Variants in HSPA4L observed in about 807,000 individuals in gnomAD.
HSPA4L encodes the protein heat shock protein family A (Hsp70) member 4 like.
Under a neutral mutation model 100.3 loss-of-function variants are expected in HSPA4L, and 48 were observed. The observed-to-expected ratio is 0.48, with a 90% CI of 0.38 to 0.61. The LOEUF (loss-of-function observed/expected upper bound fraction) is 0.61, where lower values mean the gene tolerates loss of function less well. HSPA4L is among the 20% of genes least tolerant of loss of function. The probability of loss-of-function intolerance (pLI) is 0.00; values close to 1 mark genes in which losing one functional copy is unlikely to be tolerated. For synonymous variants in HSPA4L, 319 were observed against 328.2 expected (o/e 0.97, Z 0.30); for missense variants, 886 against 988.6 (o/e 0.90, Z 1.39).
intron 2 of HSPA4L, among the ~76,000 whole-genome samples, chr4:127,794,944 A>G (rs1485148032): frequency 1.3e-5 from 2 of 152,172 alleles, no homozygotes; most frequent in Non-Finnish European, 2.9e-5. Flanking sequence ...TGAACTGCAT[A>G]TTCTAGTTAA....
At chr4:127,826,105 A>G (rs1225464618) in intron 16 of HSPA4L, among the ~76,000 whole-genome samples, 1 of 152,148 alleles carries the variant, frequency 6.6e-6, no homozygotes, top group Non-Finnish European at 1.5e-5. Context: ...TTGAGATGGC[A>G]TTTAAAAATT....
rs774360674 is a variant in HSPA4L at position 127,808,057 on chromosome 4, A to G, written c.1306A>G (p.Lys436Glu). The change falls in exon 11 of 19, where the codon AAG becomes GAG. Residue 436 changes from lysine (K) to glutamate (E), a missense_variant. Coordinates refer to ENST00000296464, the MANE Select transcript of HSPA4L (RefSeq NM_014278.4). ...APFSKVITFH[K>E]KEPFELEAFY... ...ATTCTCAAAAGTCATTACTTTCCAC[A>G]AGAAGGAACCATTTGAACTAGAAGC... The G allele has an allele frequency of 1.2e-5, 20 of 1,612,804 alleles. No homozygotes were observed. In the East Asian group the frequency reaches 4.5e-4, roughly 36 times the overall value.
chr4:127,784,404 G>C (rs1578684156), intron 1 of HSPA4L, among the ~76,000 whole-genome samples: 2 of 152,184 alleles, frequency 1.3e-5, no homozygotes, highest in South Asian at 4.1e-4. Context: ...TAAAAAGTGG[G>C]CTTCTAGAGT....
chr4:127,783,002 T>A (rs1453287043), intron 1 of HSPA4L, among the ~76,000 whole-genome samples: 2 of 152,152 alleles, frequency 1.3e-5, no homozygotes, highest in Non-Finnish European at 2.9e-5. Context: ...GCGTCCGGAA[T>A]ATTGAGAAAG....
rs886903633 is a variant in HSPA4L, at chr4:127,833,716, A to T, written c.*842A>T. On this transcript the variant is annotated 3_prime_UTR_variant, in exon 19 of 19. Coordinates refer to ENST00000296464, the MANE Select transcript of HSPA4L (RefSeq NM_014278.4). ...TTCATAGCCTTGTTTCAGTTATAAT[A>T]GTTGTCTTGTTTTTTTCTTAATTGA... is the stretch of plus-strand genomic sequence containing the variant. The T allele has an allele frequency of 1.3e-5, 2 of 152,146 alleles. No individual in the cohort carries two copies. Among genetic ancestry groups the T allele is most frequent in the Non-Finnish European group, 2.9e-5 (2 of 68,012 alleles). 9.4% of individuals were successfully genotyped at this position (152,146 alleles called of 1,614,324 possible).
At chr4:127,797,951 C>A (rs2148781719) in intron 3 of HSPA4L, among the ~76,000 whole-genome samples, 1 of 152,194 alleles carries the variant, frequency 6.6e-6, no homozygotes, top group South Asian at 2.1e-4. Context: ...GATTCATTTT[C>A]TCTTATTTCT....
intron 17 of HSPA4L, 58 bp downstream of exon 17, chr4:127,827,482 G>A: frequency 1.3e-6 from 2 of 1,589,058 alleles, no homozygotes; most frequent in Non-Finnish European, 1.7e-6. Flanking sequence ...CATAGAATGG[G>A]GCAAATCTAA....
chr4:127,808,807 C>T (rs773275042), intron 11 of HSPA4L, among the ~76,000 whole-genome samples: 5 of 152,132 alleles, frequency 3.3e-5, no homozygotes, highest in Admixed American at 2.6e-4. Context: ...CTTGTAATCT[C>T]AGCTACTCAG....
chr4:127,822,115 A>G (rs1329843349), intron 14 of HSPA4L, among the ~76,000 whole-genome samples: 1 of 152,132 alleles, frequency 6.6e-6, no homozygotes, highest in African/African-American at 2.4e-5. Context: ...TGCATCCATC[A>G]CCACTGTCTA....
chr4:127,787,777 A>G (rs1732758415), intron 1 of HSPA4L, among the ~76,000 whole-genome samples: 1 of 152,052 alleles, frequency 6.6e-6, no homozygotes, highest in Non-Finnish European at 1.5e-5. Context: ...TTTTAAATCA[A>G]ATTTGCTGAG....
At chr4:127,809,763 A>G (rs557104752) in intron 11 of HSPA4L, among the ~76,000 whole-genome samples, 2 of 152,258 alleles carry the variant, frequency 1.3e-5, no homozygotes, top group South Asian at 4.2e-4. Context: ...ACATTCCCCA[A>G]CCCCTAGCAA....
At position 127,805,733 on chromosome 4, in the gene HSPA4L, C is replaced by T. The variant is rs751873781; in HGVS notation, c.1184C>T (p.Thr395Ile). ...TTTAAAGTGCGTGAATTTTCCATAACAGACCTTGTTCCCTATTCAATCACA... is the reference window on the plus strand; with the variant it reads ...TTTAAAGTGCGTGAATTTTCCATAATAGACCTTGTTCCCTATTCAATCACA... ...PAFKVREFSI[T>I]DLVPYSITLR... Residue 395 changes from threonine (T) to isoleucine (I), a missense_variant, in exon 10 of 19, where the codon ACA (threonine) becomes ATA (isoleucine). By Grantham distance (89) the Thr-to-Ile change is moderately conservative (BLOSUM62 -1). Coordinates refer to ENST00000296464, the MANE Select transcript of HSPA4L (RefSeq NM_014278.4). 6.8e-6 allele frequency: 11 copies of T among 1,612,740 alleles called. No homozygotes were observed. Among genetic ancestry groups the T allele is most frequent in the Non-Finnish European group, 8.5e-6 (10 of 1,179,226 alleles).
intron 6 of HSPA4L, among the ~76,000 whole-genome samples, chr4:127,803,111 T>TC (rs1733239798): frequency 1.3e-5 from 2 of 152,198 alleles, no homozygotes; most frequent in Non-Finnish European, 2.9e-5. Context: ...GTTGGTTTTT[T>TC]GGTTGTGTTT....
At chr4:127,781,900 G>A (rs1326221728), upstream of HSPA4L, 2 of 380,104 alleles carry the variant, frequency 5.3e-6, no homozygotes, top group Non-Finnish European at 1.1e-5. Context: ...CGCCAGCCAG[G>A]ACAGCATCCT....
rs1732950456 is a variant in HSPA4L, at chr4:127,794,069, T to C, written c.108-8T>C. The C allele has an allele frequency of 1.3e-6, 2 of 1,579,678 alleles. No individual in the cohort carries two copies. The highest frequency in any genetic ancestry group is 1.7e-6 in the Non-Finnish European group (2 of 1,162,732). On this transcript the variant is annotated splice_polypyrimidine_tract_variant and splice_region_variant and intron_variant, in intron 1 of 18. Coordinates refer to ENST00000296464, the MANE Select transcript of HSPA4L (RefSeq NM_014278.4). Reference sequence around the variant, plus strand: ...CCATGGAACAAACTTTTTGTTTTTCTGGTTTAGGGCCTGTATATCATTGGG... The same window carrying C: ...CCATGGAACAAACTTTTTGTTTTTCCGGTTTAGGGCCTGTATATCATTGGG...
At chr4:127,803,578 TG>T in intron 6 of HSPA4L, 50 bp from the exon 7 acceptor site, 6 of 1,438,044 alleles carry the variant, frequency 4.2e-6, no homozygotes, top group South Asian at 3.2e-5. Context: ...CTTTTTTTTT[TG>T]GAAGAATCTA....
chr4:127,813,032 A>G, intron 12 of HSPA4L: 1 of 941,240 alleles, frequency 1.1e-6, no homozygotes, highest in Non-Finnish European at 1.7e-6. Context: ...TTGCCATGGT[A>G]ACACTTGTGG....
At chr4:127,789,244 G>A (rs953350503) in intron 1 of HSPA4L, among the ~76,000 whole-genome samples, 7 of 152,176 alleles carry the variant, frequency 4.6e-5, no homozygotes, top group South Asian at 2.1e-4. Flanking sequence ...AAGGAACATA[G>A]GACATTTAGA....
chr4:127,820,469 TAAAAA>T lies in HSPA4L; in HGVS notation c.1718_1722del (p.Lys573ArgfsTer7), dbSNP rs775794446. On this transcript the variant is annotated frameshift_variant, in exon 14 of 19. Transcript: ENST00000296464. LOFTEE classifies it high-confidence loss of function. ...AACAAGACCGATTAAATCAGACACT[TAAAAA>T]AGGAAAAGTCAAAAGTATTGATCTA... is the stretch of plus-strand genomic sequence containing the variant. The T allele has an allele frequency of 6.2e-7, 1 of 1,604,166 alleles. No homozygotes were observed. The highest frequency in any genetic ancestry group is 8.5e-7 in the Non-Finnish European group (1 of 1,176,082).
Sources: allele counts gnomAD v4.1 joint callset (sites outside exome capture counted in the v4.1 genomes callset), GRCh38; gene constraint gnomAD v4.1.1; transcripts MANE v1.5; gene names NCBI Gene and HGNC (gene_info 2026-07-23, HGNC 2026-07-21).